Variants in TSHZ2 observed in about 807,000 individuals in gnomAD.
TSHZ2 encodes the protein teashirt homolog 2.
Under a neutral mutation model 74.4 loss-of-function variants are expected in TSHZ2, and 21 were observed. That is an observed-to-expected ratio of 0.28 (90% CI 0.20 to 0.41). TSHZ2 has a LOEUF of 0.41. Ranked by LOEUF, TSHZ2 falls within the 10% of genes least tolerant of loss-of-function variation. The pLI is 1.00. For synonymous variants in TSHZ2, 540 were observed against 515.3 expected, an observed-to-expected ratio of 1.05 and a Z score of -0.65; for missense variants, 1,244 against 1,293.5, an observed-to-expected ratio of 0.96 and a Z score of 0.59.
intron 1 of TSHZ2, among the ~76,000 whole-genome samples, chr20:53,071,828 T>C (rs1002628418): frequency 6.6e-6 from 1 of 152,244 alleles, no homozygotes; most frequent in African/African-American, 2.4e-5. Context: ...TATCTGTCTA[T>C]AAAAATCTCT....
chr20:53,240,608 G>A (rs1050962845), intron 1 of TSHZ2, among the ~76,000 whole-genome samples: 3 of 152,050 alleles, frequency 2.0e-5, no homozygotes, highest in Admixed American at 6.6e-5. Flanking sequence ...AGGTCAGAAA[G>A]AAAGATCTGG....
At chr20:53,006,195 A>G (rs181645998) in intron 1 of TSHZ2, among the ~76,000 whole-genome samples, 1 of 152,380 alleles carries the variant, frequency 6.6e-6, no homozygotes, top group East Asian at 1.9e-4. Context: ...GACTCACAGA[A>G]TTTTACTTAA....
At chr20:53,149,546 G>T (rs1987626385) in intron 1 of TSHZ2, among the ~76,000 whole-genome samples, 2 of 152,208 alleles carry the variant, frequency 1.3e-5, no homozygotes, top group Admixed American at 1.3e-4. Context: ...CTTTAGTTCA[G>T]TTCTAGTGTG....
chr20:53,385,099 G>T (rs1199745335), intron 2 of TSHZ2, among the ~76,000 whole-genome samples: 1 of 152,022 alleles, frequency 6.6e-6, no homozygotes, highest in East Asian at 1.9e-4. Context: ...CCAGCCTGGG[G>T]ACAGGGCAAG....
intron 2 of TSHZ2, among the ~76,000 whole-genome samples, chr20:53,479,590 G>T (rs1309387225): frequency 2.0e-5 from 3 of 152,218 alleles, no homozygotes; most frequent in African/African-American, 7.2e-5. Flanking sequence ...CTCTTTGTCA[G>T]ATAAGCTTTA....
intron 1 of TSHZ2, among the ~76,000 whole-genome samples, chr20:52,973,855 C>T (rs1040754993): frequency 3.3e-5 from 5 of 152,100 alleles, no homozygotes; most frequent in African/African-American, 1.2e-4. Context: ...GACAAAATGC[C>T]CCCAGGAAAT....
intron 1 of TSHZ2, among the ~76,000 whole-genome samples, chr20:53,184,583 A>G (rs924822585): frequency 6.6e-6 from 1 of 152,252 alleles, no homozygotes; most frequent in Non-Finnish European, 1.5e-5. Context: ...TACTTCCAGA[A>G]CATTCTCTGT....
In TSHZ2 at chr20:53,256,346, A is replaced by G. The variant is rs767872745; in HGVS notation, c.2888A>G (p.Gln963Arg). Residue 963 changes from glutamine (Q) to arginine (R), a missense_variant, in exon 2 of 3, where the codon CAG becomes CGG. This residue lies in a region of TSHZ2 where 185 missense variants were observed against 213.3 expected (regional missense o/e 0.87). Coordinates refer to ENST00000371497, the MANE Select transcript of TSHZ2 (RefSeq NM_173485.6). The surrounding 1 kb of genome is among the most constrained non-coding windows in gnomAD (Gnocchi z 4.3). ...GACATGACCCGCTTGTCAGTGGACC[A>G]GCAAAGCAAGGTGGAGCAAGAGATC... ...MKDMTRLSVD[Q>R]QSKVEQEISR... The G allele has an allele frequency of 4.3e-6, 7 of 1,613,540 alleles. No homozygotes were observed. The South Asian group carries it at 4.4e-5, about 10-fold the overall frequency.
At chr20:53,157,634 C>T (rs1987828960) in intron 1 of TSHZ2, among the ~76,000 whole-genome samples, 1 of 151,988 alleles carries the variant, frequency 6.6e-6, no homozygotes, top group South Asian at 2.1e-4. Flanking sequence ...CTATAGGAAG[C>T]ACTAGATAAA....
intron 1 of TSHZ2, among the ~76,000 whole-genome samples, chr20:53,184,648 G>A (rs1045460501): frequency 2.0e-5 from 3 of 151,856 alleles, no homozygotes; most frequent in Non-Finnish European, 4.4e-5. Flanking sequence ...TATATAACCT[G>A]CTATTTTCAG....
intron 1 of TSHZ2, among the ~76,000 whole-genome samples, chr20:53,068,976 A>G (rs1206935497): frequency 6.6e-6 from 1 of 152,156 alleles, no homozygotes; most frequent in Non-Finnish European, 1.5e-5. Flanking sequence ...AAAAGGTAGA[A>G]TAGAAGAGAA....
At chr20:53,341,148 G>C (rs1980186159) in intron 2 of TSHZ2, among the ~76,000 whole-genome samples, 1 of 152,096 alleles carries the variant, frequency 6.6e-6, no homozygotes, top group Non-Finnish European at 1.5e-5. Flanking sequence ...GTATTTGTCG[G>C]GGCAGTGAGT....
intron 2 of TSHZ2, among the ~76,000 whole-genome samples, chr20:53,300,236 A>T (rs1326900893): frequency 6.6e-6 from 1 of 152,234 alleles, no homozygotes; most frequent in Non-Finnish European, 1.5e-5. Flanking sequence ...AGGGAAAAAA[A>T]ACTGCAGCAA....
At chr20:53,293,634 A>T (rs895688893) in intron 2 of TSHZ2, among the ~76,000 whole-genome samples, 2 of 149,794 alleles carry the variant, frequency 1.3e-5, no homozygotes, top group South Asian at 4.3e-4. Context: ...CTGGTTATGG[A>T]TGCTGCTCTG....
intron 2 of TSHZ2, among the ~76,000 whole-genome samples, chr20:53,466,819 T>C (rs1253407584): frequency 6.6e-6 from 1 of 152,238 alleles, no homozygotes; most frequent in Admixed American, 6.5e-5. Flanking sequence ...TAATTTATCT[T>C]TTGAAAGGAT....
chr20:53,111,836 G>A (rs1442137100), intron 1 of TSHZ2, among the ~76,000 whole-genome samples: 2 of 148,500 alleles, frequency 1.3e-5, no homozygotes, highest in East Asian at 4.3e-4. Flanking sequence ...GTTGTGGGAT[G>A]ACCCCCAGAG....
At chr20:53,414,281 A>G (rs2145703213) in intron 2 of TSHZ2, among the ~76,000 whole-genome samples, 2 of 152,226 alleles carry the variant, frequency 1.3e-5, no homozygotes, top group South Asian at 4.1e-4. Context: ...CTTTTTACTA[A>G]GTTCTTGTAC....
At position 53,052,652 on chromosome 20, in the gene TSHZ2, T is replaced by A. The variant is rs1046856054; in HGVS notation, c.40+79319T>A. On this transcript the variant is annotated intron_variant, in intron 1 of 2. Coordinates refer to ENST00000371497, the MANE Select transcript of TSHZ2 (RefSeq NM_173485.6). Reference sequence around the variant, plus strand: ...TTTTCTTCTTTAAGGCTGAGTATTATTCCTGTGTATGCATATACTACATTT... The same window carrying A: ...TTTTCTTCTTTAAGGCTGAGTATTAATCCTGTGTATGCATATACTACATTT... Among the ~76,000 whole-genome samples the A allele has an allele frequency of 3.3e-5, 5 of 152,236 alleles. 1 individual carries two copies. Among genetic ancestry groups the A allele is most frequent in the Admixed American group, 3.3e-4 (5 of 15,286 alleles).
intron 1 of TSHZ2, among the ~76,000 whole-genome samples, chr20:53,203,047 A>G (rs550511278): frequency 3.0e-4 from 46 of 152,300 alleles, no homozygotes; most frequent in African/African-American, 1.1e-3. Context: ...GATATGAATC[A>G]TTGTCAGATT....
Sources: allele counts gnomAD v4.1 joint callset (sites outside exome capture counted in the v4.1 genomes callset), GRCh38; gene constraint gnomAD v4.1.1; regional missense constraint gnomAD v4.1.1; non-coding constraint Gnocchi (gnomAD v3.1); transcripts MANE v1.5; gene names NCBI Gene and HGNC (gene_info 2026-07-23, HGNC 2026-07-21).